JARID2: variants seen among roughly 807,000 people sequenced by gnomAD.
The protein encoded by JARID2 is jumonji and AT-rich interaction domain containing 2.
A neutral mutation model predicts 125.6 loss-of-function variants in JARID2; 21 were observed. The ratio of observed to expected loss-of-function variants is 0.17; its 90% CI spans 0.12 to 0.24. The LOEUF (loss-of-function observed/expected upper bound fraction) is 0.24, where lower values mean the gene tolerates loss of function less well. Ranked by LOEUF, JARID2 falls within the 10% of genes least tolerant of loss-of-function variation. The probability of loss-of-function intolerance (pLI) is 1.00; values close to 1 mark genes in which losing one functional copy is unlikely to be tolerated. For synonymous variants in JARID2, 736 were observed against 661.6 expected (o/e 1.11, Z -1.73); for missense variants, 1,303 against 1,639.6 (o/e 0.79, Z 3.55).
In JARID2 at chr6:15,324,166, T is replaced by G. The variant is rs920352546; in HGVS notation, c.46-49951T>G. Among the ~76,000 whole-genome samples, 11 of 146,004 alleles carry G rather than the reference T, an allele frequency of 7.5e-5. No homozygotes were observed. In the South Asian group the frequency reaches 8.6e-4, roughly 11 times the overall value. On this transcript the variant is annotated intron_variant, in intron 1 of 17. Coordinates refer to ENST00000341776, the MANE Select transcript of JARID2 (RefSeq NM_004973.4). The stretch of plus-strand genomic sequence containing the variant: ...TGCACTCCAGCCTGGGGGACAGAGC[T>G]AGACTCTGTCTCAAAAGAAAAAAAA...
chr6:15,315,844 G>C (rs982089219), intron 1 of JARID2, among the ~76,000 whole-genome samples: 1 of 152,146 alleles, frequency 6.6e-6, no homozygotes, highest in African/African-American at 2.4e-5. Context: ...TCCATACGTT[G>C]AGTACGTTCA....
intron 3 of JARID2, among the ~76,000 whole-genome samples, chr6:15,413,047 T>G (rs1765972732): frequency 1.5e-5 from 2 of 132,018 alleles, no homozygotes; most frequent in Non-Finnish European, 3.2e-5. Flanking sequence ...GAGACTGAGT[T>G]TCGCCTTTGT....
intron 12 of JARID2, among the ~76,000 whole-genome samples, chr6:15,510,820 T>C (rs35844314): frequency 0.2 from 29,865 of 152,132 alleles, 3,168 homozygotes; most frequent in Non-Finnish European, 0.24. Flanking sequence ...GAGGGCAGGG[T>C]TTACTGTTCC....
chr6:15,413,617 T>G (rs1246365932), intron 3 of JARID2, among the ~76,000 whole-genome samples: 1 of 152,128 alleles, frequency 6.6e-6, no homozygotes, highest in East Asian at 1.9e-4. Flanking sequence ...TTAAGTTTAG[T>G]TTTTAAAGAG....
chr6:15,368,431 G>A (rs1764051588), intron 1 of JARID2, among the ~76,000 whole-genome samples: 3 of 152,284 alleles, frequency 2.0e-5, no homozygotes, highest in South Asian at 2.1e-4. Context: ...ATAGTTAACT[G>A]CAAACTCATG....
At chr6:15,416,016 T>C (rs11752748) in intron 3 of JARID2, among the ~76,000 whole-genome samples, 135,946 of 150,216 alleles carry the variant, frequency 0.91, 61,553 homozygotes, top group African/African-American at 0.95. Flanking sequence ...GACGGGGTCA[T>C]GGCCCGGTAG....
Position 15,487,491 on chromosome 6 carries a change from C to T in JARID2, c.855C>T (p.Ala285=), listed in dbSNP as rs766615897. ...STGSSAKGLA[A]THHHPPLHRS... Reference sequence around the variant, plus strand: ...GTTCCTCGGCCAAGGGGCTTGCTGCCACCCATCACCACCCCCCTCTGCATC... The same window carrying T: ...GTTCCTCGGCCAAGGGGCTTGCTGCTACCCATCACCACCCCCCTCTGCATC... The change falls in exon 6 of 18, where the codon GCC becomes GCT. Residue 285 remains alanine, a synonymous_variant. Coordinates refer to ENST00000341776, the MANE Select transcript of JARID2 (RefSeq NM_004973.4). The T allele has an allele frequency of 6.2e-7, 1 of 1,614,070 alleles. No homozygotes were observed.
Position 15,496,704 on chromosome 6 carries a change from T to C in JARID2, c.1479T>C (p.Ser493=). The change falls in exon 7 of 18, where the codon AGT becomes AGC. Residue 493 remains serine, a synonymous_variant. Transcript: ENST00000341776. ...GHVKKEVPER[S]LERNRPKRAT... ...TGAAGAAGGAAGTGCCGGAGCGCAG[T>C]CTGGAGAGGAATCGGCCGAAGCGGG... The C allele has an allele frequency of 1.2e-6, 2 of 1,613,452 alleles. No individual in the cohort carries two copies. Among genetic ancestry groups the C allele is most frequent in the Non-Finnish European group, 1.7e-6 (2 of 1,179,922 alleles).
intron 1 of JARID2, among the ~76,000 whole-genome samples, chr6:15,311,727 A>C (rs1261662035): frequency 2.0e-5 from 3 of 148,510 alleles, no homozygotes; most frequent in African/African-American, 7.6e-5. Flanking sequence ...CTTGCAAAAA[A>C]GGTAACTGTT....
At position 15,388,478 on chromosome 6, in the gene JARID2, A is replaced by G. The variant is rs183616561; in HGVS notation, c.181+14226A>G. ...AATGTTTCTGTAGAGTCCCAGATTTAGCTTCTTCATAATTTCTTTCCCAAG... is the reference window on the plus strand; with the variant it reads ...AATGTTTCTGTAGAGTCCCAGATTTGGCTTCTTCATAATTTCTTTCCCAAG... On this transcript the variant is annotated intron_variant, in intron 2 of 17. Transcript: ENST00000341776. Among the ~76,000 whole-genome samples, 594 of 152,000 alleles carry G rather than the reference A, an allele frequency of 3.9e-3. 4 individuals carry two copies. Among genetic ancestry groups the G allele is most frequent in the Middle Eastern group, 0.024 (7 of 292 alleles).
chr6:15,410,017 T>A (rs770511222), intron 2 of JARID2, among the ~76,000 whole-genome samples: 1 of 152,224 alleles, frequency 6.6e-6, no homozygotes, highest in Non-Finnish European at 1.5e-5. Context: ...TGAAATTGTT[T>A]CCCTCTTAGG....
chr6:15,344,503 A>G (rs968533400), intron 1 of JARID2, among the ~76,000 whole-genome samples: 2 of 151,766 alleles, frequency 1.3e-5, no homozygotes, highest in Non-Finnish European at 2.9e-5. Context: ...CTCACTTACC[A>G]TATACAGTTC....
intron 3 of JARID2, among the ~76,000 whole-genome samples, chr6:15,418,854 T>G (rs947704089): frequency 7.9e-5 from 12 of 152,216 alleles, no homozygotes; most frequent in African/African-American, 2.7e-4. Flanking sequence ...TTAACAGGTA[T>G]GATATTCACA....
intron 17 of JARID2, among the ~76,000 whole-genome samples, chr6:15,519,137 G>A (rs1162253718): frequency 1.3e-5 from 2 of 152,082 alleles, no homozygotes; most frequent in African/African-American, 4.8e-5. Flanking sequence ...GCAGGGGAGG[G>A]AACGGTGTCC....
At chr6:15,498,760 G>A (rs1183016927) in intron 7 of JARID2, among the ~76,000 whole-genome samples, 1 of 152,238 alleles carries the variant, frequency 6.6e-6, no homozygotes, top group Non-Finnish European at 1.5e-5. Flanking sequence ...GTGCTCTGCT[G>A]TTGGGAATAG....
intron 3 of JARID2, among the ~76,000 whole-genome samples, chr6:15,428,615 A>G (rs1766831957): frequency 6.6e-6 from 1 of 152,156 alleles, no homozygotes; most frequent in Non-Finnish European, 1.5e-5. Flanking sequence ...CAATGATAGA[A>G]TCTTCTAGTG....
rs1011928599 is a variant in JARID2 at position 15,254,499 on chromosome 6, A to G, written c.45+7915A>G. Among the ~76,000 whole-genome samples the G allele has an allele frequency of 3.9e-5, 6 of 152,212 alleles. No individual in the cohort carries two copies. In the East Asian group the frequency reaches 7.7e-4, roughly 19 times the overall value. ...ATGAGGCGGTGTGAGTAATGGGAAC[A>G]TTATACATGATTACTTACATAATCA... On this transcript the variant is annotated intron_variant, in intron 1 of 17. Coordinates refer to ENST00000341776, the MANE Select transcript of JARID2 (RefSeq NM_004973.4).
Position 15,496,533 on chromosome 6 carries a change from G to A in JARID2, c.1308G>A (p.Gly436=), listed in dbSNP as rs1381925441. The A allele has an allele frequency of 6.2e-7, 1 of 1,608,496 alleles. No individual in the cohort carries two copies. The change falls in exon 7 of 18, where the codon GGG becomes GGA. Residue 436 remains glycine (G), a synonymous_variant. Transcript: ENST00000341776. ...QLREGLQLRE[G]LRNSKRRLEE... Reference sequence around the variant, plus strand: ...GGGAGGGCCTGCAGCTGCGGGAGGGGCTGCGGAACTCCAAGAGGAGACTGG... The same window carrying A: ...GGGAGGGCCTGCAGCTGCGGGAGGGACTGCGGAACTCCAAGAGGAGACTGG...
intron 1 of JARID2, among the ~76,000 whole-genome samples, chr6:15,302,532 T>G (rs1478237898): frequency 6.6e-6 from 1 of 152,214 alleles, no homozygotes; most frequent in East Asian, 1.9e-4. Context: ...TTATATTGAT[T>G]GTGGTCACTG....
Sources: allele counts gnomAD v4.1 joint callset (sites outside exome capture counted in the v4.1 genomes callset), GRCh38; gene constraint gnomAD v4.1.1; transcripts MANE v1.5; gene names NCBI Gene and HGNC (gene_info 2026-07-23, HGNC 2026-07-21).